The following MIR2052HG variants were observed in gnomAD, a reference collection of about 807,000 sequenced individuals.
MIR2052HG encodes the protein MIR2052 host gene.
intron 4 of MIR2052HG, among the ~76,000 whole-genome samples, chr8:74,716,808 T>C (rs1383144061): frequency 6.6e-6 from 1 of 152,212 alleles, no homozygotes; most frequent in African/African-American, 2.4e-5. Context: ...GATATGTGCA[T>C]GCATGCCTTA....
intron 2 of MIR2052HG, among the ~76,000 whole-genome samples, chr8:74,645,725 G>T (rs1224362356): frequency 6.6e-6 from 1 of 152,212 alleles, no homozygotes; most frequent in Non-Finnish European, 1.5e-5. Flanking sequence ...AAAGAGCAAA[G>T]CCATGGAGCT....
At chr8:74,696,855 G>A (rs1328571757) in intron 2 of MIR2052HG, among the ~76,000 whole-genome samples, 1 of 151,722 alleles carries the variant, frequency 6.6e-6, no homozygotes, top group Non-Finnish European at 1.5e-5. Flanking sequence ...AAAAGTCCAG[G>A]ACCAGATGGT....
intron 4 of MIR2052HG, among the ~76,000 whole-genome samples, chr8:74,721,943 A>G (rs1455248390): frequency 1.3e-5 from 2 of 152,236 alleles, no homozygotes. Flanking sequence ...CTCAAATCCC[A>G]GCACTTCAGG....
intron 2 of MIR2052HG, among the ~76,000 whole-genome samples, chr8:74,660,880 A>C (rs1808856127): frequency 6.6e-6 from 1 of 152,176 alleles, no homozygotes; most frequent in Admixed American, 6.5e-5. Context: ...AAAAAAAATA[A>C]CAGACTTGGG....
chr8:74,673,142 AC>A (rs1759239318), intron 2 of MIR2052HG, among the ~76,000 whole-genome samples: 1 of 152,126 alleles, frequency 6.6e-6, no homozygotes, highest in South Asian at 2.1e-4. Context: ...TTGGACAGTT[AC>A]GTATTGTTTA....
At chr8:74,715,760 TAA>T (rs1809514118) in intron 4 of MIR2052HG, among the ~76,000 whole-genome samples, 2 of 152,262 alleles carry the variant, frequency 1.3e-5, no homozygotes, top group South Asian at 4.1e-4. Context: ...TGCAAAAAAG[TAA>T]TGTGTTGGTC....
chr8:74,749,789 C>T (rs1214345696), intron 4 of MIR2052HG, among the ~76,000 whole-genome samples: 3 of 142,122 alleles, frequency 2.1e-5, no homozygotes, highest in Admixed American at 7.5e-5. Flanking sequence ...GTGGAGGTTG[C>T]AGTGAGCCGA....
intron 2 of MIR2052HG, among the ~76,000 whole-genome samples, chr8:74,618,038 C>G (rs1163877771): frequency 6.6e-6 from 1 of 152,226 alleles, no homozygotes; most frequent in Admixed American, 6.5e-5. Context: ...ACCTTCTCAA[C>G]TTCTAAATGG....
At chr8:74,659,498 T>C (rs1034795694) in intron 2 of MIR2052HG, among the ~76,000 whole-genome samples, 1 of 152,178 alleles carries the variant, frequency 6.6e-6, no homozygotes, top group African/African-American at 2.4e-5. Context: ...TGGAGGGCAA[T>C]AATATAATCG....
At chr8:74,680,396 G>A (rs988008553) in intron 2 of MIR2052HG, among the ~76,000 whole-genome samples, 1 of 151,956 alleles carries the variant, frequency 6.6e-6, no homozygotes. Flanking sequence ...TCAAAAAGTG[G>A]GTGAAGGACA....
At position 74,701,101 on chromosome 8, in the gene MIR2052HG, A is replaced by G. The variant is rs953658081; in HGVS notation, n.217-1278A>G. On this transcript the variant is annotated intron_variant and non_coding_transcript_variant, in intron 2 of 6. Transcript: ENST00000523442. ...ATGAGATAGTAAGACACAGTTGCTT[A>G]GAGAATAAAGAAAACTGTGGCCATT... Among the ~76,000 whole-genome samples, 20 of 152,284 alleles carry G rather than the reference A, an allele frequency of 1.3e-4. 1 individual carries two copies. Among genetic ancestry groups the G allele is most frequent in the African/African-American group, 4.3e-4 (18 of 41,566 alleles).
intron 2 of MIR2052HG, among the ~76,000 whole-genome samples, chr8:74,678,429 G>A (rs1281240848): frequency 6.6e-6 from 1 of 151,954 alleles, no homozygotes; most frequent in Admixed American, 6.6e-5. Context: ...CGGGTGTAGT[G>A]GCAGGCGCCT....
At chr8:74,732,955 C>T (rs371902108) in intron 4 of MIR2052HG, among the ~76,000 whole-genome samples, 9 of 152,104 alleles carry the variant, frequency 5.9e-5, no homozygotes, top group South Asian at 2.1e-4. Context: ...GAGAGCTGTG[C>T]ACATAAGATG....
intron 2 of MIR2052HG, among the ~76,000 whole-genome samples, chr8:74,630,601 G>C (rs948275013): frequency 2.6e-5 from 4 of 151,112 alleles, no homozygotes; most frequent in African/African-American, 9.7e-5. Context: ...TCTAGGGATA[G>C]ATAGCTAGCA....
At chr8:74,645,968 G>A (rs59394511) in intron 2 of MIR2052HG, among the ~76,000 whole-genome samples, 5,183 of 152,092 alleles carry the variant, frequency 0.034, 288 homozygotes, top group African/African-American at 0.12. Context: ...ACCCCTATTA[G>A]GAAACTATGT....
Position 74,650,454 on chromosome 8 carries a change from A to C in MIR2052HG, n.216+37514A>C, listed in dbSNP as rs533757373. 8.5e-5 allele frequency among the ~76,000 whole-genome samples: 13 copies of C among 152,218 alleles called. No homozygotes were observed. The South Asian group carries it at 2.1e-3, about 24-fold the overall frequency. ...TCCATTCATTAGTTGATGTAAATTT[A>C]ATGTTTTTATTTTCAGTGTTTAGCT... On this transcript the variant is annotated intron_variant and non_coding_transcript_variant, in intron 2 of 6. Coordinates refer to ENST00000523442, the Ensembl canonical transcript of MIR2052HG.
chr8:74,712,684 CTT>C (rs1035397267), intron 4 of MIR2052HG, among the ~76,000 whole-genome samples: 8 of 141,688 alleles, frequency 5.6e-5, no homozygotes, highest in African/African-American at 2.2e-4. Flanking sequence ...ATTCAAGACT[CTT>C]TAGCTTTTTC....
In MIR2052HG at chr8:74,604,537, C is replaced by T. The variant is rs188940175; in HGVS notation, n.128+4629C>T. On this transcript the variant is annotated intron_variant and non_coding_transcript_variant, in intron 1 of 6. Coordinates refer to ENST00000523442, the Ensembl canonical transcript of MIR2052HG. ...GAGGGCGGGCGGGCGGGAGAGGGTG[C>T]AGACTGCGGCTGCTCAAGCTGCTCT... Among the ~76,000 whole-genome samples the T allele has an allele frequency of 9.4e-3, 1,279 of 135,938 alleles. 40 individuals carry two copies. The highest frequency in any genetic ancestry group is 0.036 in the African/African-American group (1,230 of 34,496). 89.2% of individuals were successfully genotyped at this position (135,938 alleles called of 152,430 possible).
At chr8:74,684,597 T>G (rs951534339) in intron 2 of MIR2052HG, among the ~76,000 whole-genome samples, 1 of 152,064 alleles carries the variant, frequency 6.6e-6, no homozygotes, top group African/African-American at 2.4e-5. Flanking sequence ...ATATTATATG[T>G]TATAAAGTCA....
Sources: allele counts gnomAD v4.1 joint callset (sites outside exome capture counted in the v4.1 genomes callset), GRCh38; gene constraint gnomAD v4.1.1; transcripts MANE v1.5; gene names NCBI Gene and HGNC (gene_info 2026-07-23, HGNC 2026-07-21).